The following SLC26A9 variants were observed in gnomAD, a reference collection of about 807,000 sequenced individuals.
SLC26A9 encodes anion transporter/exchanger protein 9.
Under a neutral mutation model 87.1 loss-of-function variants are expected in SLC26A9, and 46 were observed. The ratio of observed to expected loss-of-function variants is 0.53; its 90% CI spans 0.42 to 0.67. The LOEUF is 0.67. Among genes scored for constraint, SLC26A9 ranks in the 30% least tolerant of loss-of-function variants. SLC26A9 has a pLI of 0.00. For synonymous variants in SLC26A9, 437 were observed against 409.1 expected (o/e 1.07, Z -0.82); for missense variants, 927 against 1,018.3 (o/e 0.91, Z 1.22).
rs201612612 is a variant in SLC26A9 at position 205,920,127 on chromosome 1, C to T, written c.2110+49G>A. The T allele has an allele frequency of 5.8e-5, 93 of 1,610,140 alleles. 1 individual carries two copies. The African/African-American group carries it at 7.1e-4, about 12-fold the overall frequency. The stretch of plus-strand genomic sequence containing the variant: ...CAGACCCCACCAACCTGTTCCTACC[C>T]CACACTCCTTGCCAGTCTTTCAGTC... On this transcript the variant is annotated intron_variant, in intron 18 of 20. Transcript: ENST00000367135.
chr1:205,942,712 G>A (rs1012043419), intron 1 of SLC26A9, among the ~76,000 whole-genome samples: 7 of 152,254 alleles, frequency 4.6e-5, no homozygotes, highest in South Asian at 4.2e-4. Flanking sequence ...CCATTGAGTC[G>A]GGCGTCCCAG....
intron 1 of SLC26A9, among the ~76,000 whole-genome samples, chr1:205,938,265 C>T (rs188679847): frequency 3.0e-4 from 45 of 151,288 alleles, no homozygotes; most frequent in Non-Finnish European, 3.8e-4. Context: ...CTTCCTCCCT[C>T]GCTTCCTTCC....
At chr1:205,943,315 G>T (rs1659827930) in intron 1 of SLC26A9, 50 bp downstream of exon 1, 2 of 152,206 alleles carry the variant, frequency 1.3e-5, no homozygotes, top group Non-Finnish European at 1.5e-5. Context: ...CTGCCCTCTT[G>T]CAGGGATGAC....
intron 2 of SLC26A9, among the ~76,000 whole-genome samples, chr1:205,933,461 T>A (rs1659387704): frequency 1.3e-5 from 2 of 152,208 alleles, no homozygotes. Context: ...TAACTGCACC[T>A]TGGCTCCTGC....
intron 16 of SLC26A9, 21 bp from the exon 17 acceptor site, chr1:205,921,868 G>C: frequency 6.3e-7 from 1 of 1,595,174 alleles, no homozygotes; most frequent in Non-Finnish European, 8.5e-7. Flanking sequence ...GGGGACAGTG[G>C]GCAGAGTCAG....
At chr1:205,922,712 G>C (rs1013574098) in intron 16 of SLC26A9, among the ~76,000 whole-genome samples, 1 of 152,160 alleles carries the variant, frequency 6.6e-6, no homozygotes, top group Non-Finnish European at 1.5e-5. Context: ...ACACCAGCCT[G>C]GCCAACATGG....
chr1:205,922,522 G>A (rs1658886032), intron 16 of SLC26A9, among the ~76,000 whole-genome samples: 1 of 152,178 alleles, frequency 6.6e-6, no homozygotes, highest in Non-Finnish European at 1.5e-5. Flanking sequence ...AAAGTCCATG[G>A]GCCATGTCCT....
intron 20 of SLC26A9, 114 bp from the exon 21 acceptor site, chr1:205,915,518 CTGTGTGTG>C (rs113527464): frequency 0.018 from 15,656 of 865,210 alleles, 132 homozygotes; most frequent in Non-Finnish European, 0.024. Flanking sequence ...AACAAAGCAC[CTGTGTGTG>C]TGTGTGTGTG....
At chr1:205,940,779 C>A (rs1659707386) in intron 1 of SLC26A9, among the ~76,000 whole-genome samples, 2 of 152,138 alleles carry the variant, frequency 1.3e-5, no homozygotes, top group South Asian at 4.1e-4. Context: ...TCACTGTGGG[C>A]CAGGCTGACT....
intron 1 of SLC26A9, among the ~76,000 whole-genome samples, chr1:205,942,141 A>G (rs1659773897): frequency 6.6e-6 from 1 of 152,238 alleles, no homozygotes; most frequent in Admixed American, 6.5e-5. Flanking sequence ...GTATATGCCA[A>G]TCTCCGGAAG....
chr1:205,916,340 G>A (rs768912276), intron 20 of SLC26A9, among the ~76,000 whole-genome samples: 29 of 152,070 alleles, frequency 1.9e-4, no homozygotes, highest in African/African-American at 1.7e-4. Context: ...CAGGTGGTCC[G>A]CCCACCTCAG....
At position 205,917,317 on chromosome 1, in the gene SLC26A9, T is replaced by G. The variant is rs1206737955; in HGVS notation, c.2294A>C (p.Glu765Ala). The change falls in exon 20 of 21, where the codon GAG becomes GCG. Residue 765 changes from glutamate to alanine, a missense_variant. Glu to Ala is a moderately radical substitution (Grantham distance 107). Transcript: ENST00000367135. Reference protein sequence around the residue: ...GDAELSLYDSEEDIRSYWDLE... With the variant: ...GDAELSLYDSAEDIRSYWDLE... ...GTCCCAGTAGCTGCGAATGTCCTCCTCTGAGTCGTACAAGGAGAGCTCAGC... is the reference window on the plus strand; with the variant it reads ...GTCCCAGTAGCTGCGAATGTCCTCCGCTGAGTCGTACAAGGAGAGCTCAGC... 2 of 1,613,902 alleles carry G rather than the reference T, an allele frequency of 1.2e-6. No individual in the cohort carries two copies.
chr1:205,932,798 G>A lies in SLC26A9; in HGVS notation c.280C>T (p.Leu94=). 6.3e-7 allele frequency: 1 copy of A among 1,597,030 alleles called. No individual in the cohort carries two copies. Among genetic ancestry groups the A allele is most frequent in the Non-Finnish European group, 8.5e-7 (1 of 1,171,882 alleles). Residue 94 remains leucine (L), a synonymous_variant, in exon 4 of 21, where the codon CTG becomes TTG. Transcript: ENST00000367135. ...IQVPQGMAFA[L]LANLPAVNGL... Reference sequence around the variant, plus strand: ...TTGACTGCAGGAAGGTTGGCCAGCAGAGCAAATGCCATGCCTGCAGAGGAC... The same window carrying A: ...TTGACTGCAGGAAGGTTGGCCAGCAAAGCAAATGCCATGCCTGCAGAGGAC...
At position 205,929,185 on chromosome 1, in the gene SLC26A9, C is replaced by G; in HGVS notation, c.870+19G>C. 3 of 1,606,584 alleles carry G rather than the reference C, an allele frequency of 1.9e-6. No individual in the cohort carries two copies. The highest frequency in any genetic ancestry group is 2.6e-6 in the Non-Finnish European group (3 of 1,174,546). On this transcript the variant is annotated intron_variant, in intron 7 of 20. Transcript: ENST00000367135. ...ACAGCCTGGCCCCCCAACATCCCAG[C>G]TCTGAACAAGGTCCTTACCACAATC... is the stretch of plus-strand genomic sequence containing the variant.
At chr1:205,915,966 T>G (rs1200936307) in intron 20 of SLC26A9, among the ~76,000 whole-genome samples, 1 of 152,266 alleles carries the variant, frequency 6.6e-6, no homozygotes, top group South Asian at 2.1e-4. Context: ...AGACACTACT[T>G]CTCATAGACC....
At chr1:205,927,777 C>G in intron 9 of SLC26A9, 125 bp downstream of exon 9, 1 of 1,499,744 alleles carries the variant, frequency 6.7e-7, no homozygotes, top group African/African-American at 1.4e-5. Context: ...TCAGAGGACC[C>G]CCTATCCCCC....
At chr1:205,929,767 C>A in intron 6 of SLC26A9, 125 bp downstream of exon 6, 1 of 1,236,560 alleles carries the variant, frequency 8.1e-7, no homozygotes, top group Non-Finnish European at 1.1e-6. Context: ...CCCTCAGAAT[C>A]CTCTCTGAAC....
At chr1:205,917,449 G>A in intron 19 of SLC26A9, 95 bp from the exon 20 acceptor site, 1 of 1,186,808 alleles carries the variant, frequency 8.4e-7, no homozygotes, top group Non-Finnish European at 1.3e-6. Context: ...GCCGGCTCTG[G>A]TTGGACGCTG....
chr1:205,931,855 C>T lies in SLC26A9; in HGVS notation c.552+5G>A, dbSNP rs756930993. On this transcript the variant is annotated splice_donor_5th_base_variant and intron_variant, in intron 5 of 20. Coordinates refer to ENST00000367135, the MANE Select transcript of SLC26A9 (RefSeq NM_052934.4). ...TTCTAGCAGGGTTGGGGGCTGCCCC[C>T]TCACCTGGATGATGGCGGTGAGGCA... The T allele has an allele frequency of 2.5e-6, 4 of 1,611,556 alleles. No homozygotes were observed. The highest frequency in any genetic ancestry group is 4.5e-5 in the East Asian group (2 of 44,846).
Sources: gnomAD v4.1 joint callset for allele counts (sites outside exome capture counted in the v4.1 genomes callset) on GRCh38, gnomAD v4.1.1 for gene constraint, MANE v1.5 for transcripts, NCBI Gene and HGNC (gene_info 2026-07-23, HGNC 2026-07-21) for gene names.